CTNNA1: variants seen among roughly 807,000 people sequenced by gnomAD.
CTNNA1 encodes the protein catenin alpha-1.
A neutral mutation model predicts 98.4 loss-of-function variants in CTNNA1; 37 were observed. The ratio of observed to expected loss-of-function variants is 0.38; its 90% CI spans 0.29 to 0.49. CTNNA1 has a LOEUF of 0.49. CTNNA1 is among the 20% of genes least tolerant of loss of function. The pLI is 0.95. For synonymous variants in CTNNA1, 404 were observed against 413.2 expected (o/e 0.98, Z 0.27); for missense variants, 761 against 1,147.2 (o/e 0.66, Z 4.86).
rs369518072 is a variant in CTNNA1 at position 138,827,555 on chromosome 5, G to T, written c.899G>T (p.Arg300Leu). Residue 300 changes from arginine to leucine, a missense_variant, in exon 7 of 18, where the codon CGC (arginine) becomes CTC (leucine). Physicochemically the swap from Arg to Leu is moderately radical, Grantham distance 102 (BLOSUM62 -2). Coordinates refer to ENST00000302763, the MANE Select transcript of CTNNA1 (RefSeq NM_001903.5). ...GACCCCTTGAGCTTCAGCGAGGAGC[G>T]CTTTAGGCCTTCCCTGGAGGAGCGT... ...IVDPLSFSEE[R>L]FRPSLEERLE... 1 of 1,614,084 alleles carries T rather than the reference G, an allele frequency of 6.2e-7. No individual in the cohort carries two copies. Among genetic ancestry groups the T allele is most frequent in the African/African-American group, 1.3e-5 (1 of 74,914 alleles).
chr5:138,905,717 C>T (rs1759095211), intron 10 of CTNNA1, among the ~76,000 whole-genome samples: 1 of 152,218 alleles, frequency 6.6e-6, no homozygotes, highest in Non-Finnish European at 1.5e-5. Flanking sequence ...CAGTGTGTTG[C>T]CTGCCTCCTG....
rs778111595 is a variant in CTNNA1 at position 138,874,882 on chromosome 5, C to T, written c.1063-11330C>T. ...AAAGCGTGATTCCTTGTTGAATGTA[C>T]AAGACATATAAATGCACAGACTTAC... On this transcript the variant is annotated intron_variant, in intron 7 of 17. Transcript: ENST00000302763. This position sits in a 1 kb window ranked among gnomAD's most constrained non-coding sequence, Gnocchi z 4.1. 6.2e-7 allele frequency: 1 copy of T among 1,605,798 alleles called. No homozygotes were observed. Among genetic ancestry groups the T allele is most frequent in the South Asian group, 1.1e-5 (1 of 89,894 alleles).
intron 3 of CTNNA1, among the ~76,000 whole-genome samples, chr5:138,791,787 CTT>C (rs1168548486): frequency 1.1e-5 from 1 of 92,252 alleles, no homozygotes; most frequent in Non-Finnish European, 2.0e-5. Flanking sequence ...GTTTTCTCAG[CTT>C]TTTTTTTTTT....
chr5:138,924,771 C>A, intron 12 of CTNNA1, 61 bp downstream of exon 12: 2 of 1,397,690 alleles, frequency 1.4e-6, no homozygotes. Flanking sequence ...GGCAGGCCAC[C>A]CCATTAGCCC....
At chr5:138,859,777 A>G (rs767708475) in intron 7 of CTNNA1, among the ~76,000 whole-genome samples, 5 of 152,114 alleles carry the variant, frequency 3.3e-5, no homozygotes, top group Non-Finnish European at 7.4e-5. Flanking sequence ...GTGTGGTGCC[A>G]TGCACCTGTA....
chr5:138,882,108 A>G (rs1203020903), intron 7 of CTNNA1, among the ~76,000 whole-genome samples: 1 of 152,250 alleles, frequency 6.6e-6, no homozygotes, highest in Non-Finnish European at 1.5e-5. Flanking sequence ...GAGACAGACA[A>G]GTCAACAGGT....
chr5:138,795,052 A>G (rs543852598), intron 3 of CTNNA1, among the ~76,000 whole-genome samples: 2 of 149,598 alleles, frequency 1.3e-5, no homozygotes, highest in South Asian at 4.3e-4. Context: ...CAAGTGGCTG[A>G]GGTGGGAGAA....
chr5:138,792,937 A>G (rs553936179), intron 3 of CTNNA1, among the ~76,000 whole-genome samples: 5 of 152,108 alleles, frequency 3.3e-5, no homozygotes, highest in East Asian at 3.9e-4. Flanking sequence ...CTCATTTGTT[A>G]TCTTACCTTT....
At chr5:138,785,433 A>G (rs540941949) in intron 3 of CTNNA1, among the ~76,000 whole-genome samples, 2 of 152,260 alleles carry the variant, frequency 1.3e-5, no homozygotes, top group East Asian at 1.9e-4. Flanking sequence ...AAATCAGGCT[A>G]TTACTTAATT....
At chr5:138,833,177 C>A (rs1192763036) in intron 7 of CTNNA1, among the ~76,000 whole-genome samples, 1 of 152,156 alleles carries the variant, frequency 6.6e-6, no homozygotes, top group Non-Finnish European at 1.5e-5. Flanking sequence ...ACATAAAGGA[C>A]CCTCAGTCTT....
chr5:138,770,619 T>C (rs995092191), intron 1 of CTNNA1, among the ~76,000 whole-genome samples: 2 of 152,212 alleles, frequency 1.3e-5, no homozygotes, highest in African/African-American at 4.8e-5. Flanking sequence ...CTTGATTAGT[T>C]CTTTCCTGAC....
At chr5:138,776,300 C>T (rs188623751) in intron 1 of CTNNA1, among the ~76,000 whole-genome samples, 2 of 151,962 alleles carry the variant, frequency 1.3e-5, no homozygotes, top group East Asian at 4.1e-4. Context: ...TCTTGCACCA[C>T]CTCAATCCAT....
At chr5:138,772,064 G>T (rs1366947244) in intron 1 of CTNNA1, among the ~76,000 whole-genome samples, 2 of 152,186 alleles carry the variant, frequency 1.3e-5, no homozygotes, top group African/African-American at 4.8e-5. Context: ...CATCTTTGGA[G>T]AAGGTACGTA....
chr5:138,793,340 T>C (rs945883064), intron 3 of CTNNA1, among the ~76,000 whole-genome samples: 10 of 152,234 alleles, frequency 6.6e-5, no homozygotes, highest in African/African-American at 2.4e-4. Context: ...TCTGGATCAC[T>C]ACCCTTGTGT....
intron 7 of CTNNA1, among the ~76,000 whole-genome samples, chr5:138,850,364 A>G (rs919426951): frequency 1.2e-4 from 18 of 152,222 alleles, no homozygotes; most frequent in African/African-American, 4.1e-4. Flanking sequence ...TGTCTAGAAT[A>G]TAATCACTTT....
intron 5 of CTNNA1, among the ~76,000 whole-genome samples, chr5:138,812,547 G>A (rs1758940444): frequency 6.6e-6 from 1 of 152,174 alleles, no homozygotes; most frequent in Admixed American, 6.5e-5. Flanking sequence ...GACAACTTGT[G>A]ATGAAGGTAG....
intron 4 of CTNNA1, among the ~76,000 whole-genome samples, chr5:138,811,136 C>G (rs1212110314): frequency 5.9e-5 from 9 of 151,588 alleles, no homozygotes; most frequent in Admixed American, 5.9e-4. Context: ...GGCTGCCGGG[C>G]GGAGGGGCTC....
intron 1 of CTNNA1, among the ~76,000 whole-genome samples, chr5:138,773,200 C>A (rs1753737087): frequency 6.6e-6 from 1 of 152,118 alleles, no homozygotes; most frequent in Admixed American, 6.5e-5. Flanking sequence ...TTGGCAGGAC[C>A]CTGCGCTCAT....
At chr5:138,928,175 G>A (rs1764532651) in intron 13 of CTNNA1, among the ~76,000 whole-genome samples, 1 of 152,186 alleles carries the variant, frequency 6.6e-6, no homozygotes. Context: ...CAGGCCAGCC[G>A]GCTGGGCTGA....
Sources: allele counts gnomAD v4.1 joint callset (sites outside exome capture counted in the v4.1 genomes callset), GRCh38; gene constraint gnomAD v4.1.1; non-coding constraint Gnocchi (gnomAD v3.1); transcripts MANE v1.5; gene names NCBI Gene and HGNC (gene_info 2026-07-23, HGNC 2026-07-21).